The following ZNF76 variants were observed in gnomAD, a reference collection of about 807,000 sequenced individuals.
The protein encoded by ZNF76 is zinc finger protein 76.
In ZNF76, 66 loss-of-function variants were observed where a neutral mutation model predicts 66.9. The ratio of observed to expected loss-of-function variants is 0.99; its 90% CI spans 0.81 to 1.21. The LOEUF is 1.21. ZNF76 is among the 50% of genes most tolerant of loss of function. The probability of loss-of-function intolerance (pLI) is 0.00; values close to 1 mark genes in which losing one functional copy is unlikely to be tolerated. For missense variants in ZNF76, 729 were observed against 760.3 expected, an observed-to-expected ratio of 0.96 and a Z score of 0.48; for synonymous variants, 275 against 296.1, an observed-to-expected ratio of 0.93 and a Z score of 0.73.
chr6:35,281,574 C>G (rs1374315052), intron 2 of ZNF76, among the ~76,000 whole-genome samples: 1 of 152,156 alleles, frequency 6.6e-6, no homozygotes, highest in African/African-American at 2.4e-5. Flanking sequence ...TTTCTAGAAG[C>G]AGTTTATCAT....
chr6:35,288,948 C>CT, intron 5 of ZNF76, among the ~76,000 whole-genome samples: 1 of 50,276 alleles, frequency 2.0e-5, no homozygotes, highest in East Asian at 4.7e-4. Context: ...GAGATCCTAT[C>CT]TAAAAAAAAA....
chr6:35,295,025 G>T, intron 13 of ZNF76, 119 bp from the exon 14 acceptor site: 4 of 690,222 alleles, frequency 5.8e-6, no homozygotes, highest in Non-Finnish European at 1.0e-5. Context: ...AGTGCTCAGC[G>T]TGTGGCACTG....
chr6:35,260,981 A>G (rs1785164622), intron 1 of ZNF76, among the ~76,000 whole-genome samples: 1 of 152,070 alleles, frequency 6.6e-6, no homozygotes, highest in South Asian at 2.1e-4. Flanking sequence ...ATCAGTTAAC[A>G]TGTTTGCAAA....
intron 5 of ZNF76, among the ~76,000 whole-genome samples, chr6:35,289,629 T>A (rs1790087044): frequency 6.6e-6 from 1 of 152,002 alleles, no homozygotes; most frequent in Non-Finnish European, 1.5e-5. Flanking sequence ...TTTAGCAATA[T>A]CCCAGAAGAG....
In ZNF76 at chr6:35,288,259, T is replaced by A. The variant is rs149308886; in HGVS notation, c.432+414T>A. 366 of 382,886 alleles carry A rather than the reference T, an allele frequency of 9.6e-4. 2 individuals carry two copies. Among genetic ancestry groups the A allele is most frequent in the African/African-American group, 6.8e-3 (325 of 48,048 alleles). The allele number at this position is 382,886 out of a possible 1,614,324, so 23.7% of individuals were successfully genotyped here. The stretch of plus-strand genomic sequence containing the variant: ...TTCTAGTCCACTGAGGTAATTGTAT[T>A]TATTTCTTCTCTGTGACTCAGTCAT... On this transcript the variant is annotated intron_variant, in intron 5 of 13. Transcript: ENST00000373953.
intron 1 of ZNF76, among the ~76,000 whole-genome samples, chr6:35,261,126 G>A (rs1014450953): frequency 6.6e-6 from 1 of 152,152 alleles, no homozygotes; most frequent in African/African-American, 2.4e-5. Flanking sequence ...CCACCTCTGC[G>A]AAGGGAGAAA....
chr6:35,288,042 A>T (rs1789840399), intron 5 of ZNF76, 197 bp downstream of exon 5: 2 of 721,354 alleles, frequency 2.8e-6, no homozygotes, highest in South Asian at 3.0e-5. Context: ...TGTCTAGGGC[A>T]TGCAACACAG....
At position 35,291,926 on chromosome 6, in the gene ZNF76, T is replaced by C. The variant is rs77665928; in HGVS notation, c.931+189T>C. On this transcript the variant is annotated intron_variant, in intron 9 of 13. Transcript: ENST00000373953. ...AGTGAGTAATTCCTCAATTTCCAGT[T>C]AGGTCCAATCTGAAAGGTATTGCCA... 626 of 672,724 alleles carry C rather than the reference T, an allele frequency of 9.3e-4. 5 individuals carry two copies. The East Asian group carries it at 0.014, about 15-fold the overall frequency. 41.7% of individuals were successfully genotyped at this position (672,724 alleles called of 1,614,324 possible).
intron 4 of ZNF76, 200 bp downstream of exon 4, chr6:35,286,599 A>G (rs954111477): frequency 6.5e-6 from 4 of 618,464 alleles, no homozygotes; most frequent in Admixed American, 5.0e-5. Context: ...TATGTCTGCA[A>G]CTGGGAGGTG....
At chr6:35,264,258 TC>T (rs1378387698) in intron 1 of ZNF76, among the ~76,000 whole-genome samples, 1 of 152,194 alleles carries the variant, frequency 6.6e-6, no homozygotes, top group Non-Finnish European at 1.5e-5. Flanking sequence ...GATTTAAACG[TC>T]GGTAATTTAG....
Position 35,291,541 on chromosome 6 carries a change from T to G in ZNF76, c.752-17T>G. ...CCTCTTTCCCACACCCCTCCTCACATCCCACCATTTGCATAGGTGAACGCC... is the reference window on the plus strand; with the variant it reads ...CCTCTTTCCCACACCCCTCCTCACAGCCCACCATTTGCATAGGTGAACGCC... On this transcript the variant is annotated splice_polypyrimidine_tract_variant and intron_variant, in intron 8 of 13. Transcript: ENST00000373953. 2 of 1,609,634 alleles carry G rather than the reference T, an allele frequency of 1.2e-6. No homozygotes were observed. Among genetic ancestry groups the G allele is most frequent in the Non-Finnish European group, 1.7e-6 (2 of 1,176,298 alleles).
chr6:35,281,205 C>T lies in ZNF76; in HGVS notation c.54C>T (p.Tyr18=), dbSNP rs763419976. ...CCCTTAGTGATGGGACAACAGCCTA[C>T]GTCCAGCAAGCTGTCAAAGGTAAGT... ...TVTLSDGTTA[Y]VQQAVKGEKL... is the part of the protein sequence containing the mutation. Residue 18 remains tyrosine (Y), a synonymous_variant, in exon 2 of 14, where the codon TAC becomes TAT. Coordinates refer to ENST00000373953, the MANE Select transcript of ZNF76 (RefSeq NM_003427.5). 6.2e-6 allele frequency: 10 copies of T among 1,613,834 alleles called. No homozygotes were observed. The highest frequency in any genetic ancestry group is 1.1e-5 in the South Asian group (1 of 91,068).
In ZNF76 at chr6:35,287,137, G is replaced by A. The variant is rs1353508721; in HGVS notation, c.233-509G>A. On this transcript the variant is annotated intron_variant, in intron 4 of 13. Transcript: ENST00000373953. This position sits in a 1 kb window ranked among gnomAD's most constrained non-coding sequence, Gnocchi z 4.0. ...GGAACTGCTAGGAGCTAGAGCCCTG[G>A]GAGTGAAGGCAGAATGAGCAGGAGG... Among the ~76,000 whole-genome samples the A allele has an allele frequency of 1.3e-5, 2 of 152,134 alleles. No individual in the cohort carries two copies. Among genetic ancestry groups the A allele is most frequent in the Non-Finnish European group, 2.9e-5 (2 of 68,014 alleles).
intron 1 of ZNF76, chr6:35,279,414 T>C (rs1042525927): frequency 1.3e-5 from 2 of 149,284 alleles, no homozygotes; most frequent in Non-Finnish European, 3.0e-5. Flanking sequence ...CATAAATACC[T>C]TCAATTTTTT....
At chr6:35,261,867 A>G (rs1046119646) in intron 1 of ZNF76, among the ~76,000 whole-genome samples, 13 of 151,944 alleles carry the variant, frequency 8.6e-5, no homozygotes, top group African/African-American at 3.1e-4. Context: ...TGACTTTCTC[A>G]TCCTGCTGTT....
intron 1 of ZNF76, among the ~76,000 whole-genome samples, chr6:35,269,472 TG>T (rs1461972181): frequency 6.6e-6 from 1 of 151,996 alleles, no homozygotes; most frequent in Non-Finnish European, 1.5e-5. Flanking sequence ...GGCCCTCTGG[TG>T]AATAGTTCAT....
chr6:35,280,527 C>T (rs992516268), intron 1 of ZNF76, among the ~76,000 whole-genome samples: 3 of 137,530 alleles, frequency 2.2e-5, no homozygotes, highest in Non-Finnish European at 3.2e-5. Flanking sequence ...CCCCCCCCCC[C>T]CCGCCCTGAA....
intron 9 of ZNF76, 77 bp downstream of exon 9, chr6:35,291,814 A>G (rs959947711): frequency 6.5e-7 from 1 of 1,534,512 alleles, no homozygotes. Context: ...TCTAAGACAC[A>G]TTCCCAACTC....
In ZNF76 at chr6:35,266,709, A is replaced by G. The variant is rs76838021; in HGVS notation, c.-97+6868A>G. 8.1e-4 allele frequency among the ~76,000 whole-genome samples: 122 copies of G among 150,314 alleles called. 1 individual carries two copies. The East Asian group carries it at 0.019, about 23-fold the overall frequency. Reference sequence around the variant, plus strand: ...GGCCCTGCTCTGCCACCAGGTAGCTATGTGATCCTTTGGGACTCCTCTGGC... The same window carrying G: ...GGCCCTGCTCTGCCACCAGGTAGCTGTGTGATCCTTTGGGACTCCTCTGGC... On this transcript the variant is annotated intron_variant, in intron 1 of 13. Transcript: ENST00000373953.
Sources: allele counts gnomAD v4.1 joint callset (sites outside exome capture counted in the v4.1 genomes callset), GRCh38; gene constraint gnomAD v4.1.1; non-coding constraint Gnocchi (gnomAD v3.1); transcripts MANE v1.5; gene names NCBI Gene and HGNC (gene_info 2026-07-23, HGNC 2026-07-21).